The following UNC5C variants were observed in gnomAD, a reference collection of about 807,000 sequenced individuals.
The protein encoded by UNC5C is netrin receptor UNC5C.
A neutral mutation model predicts 99.8 loss-of-function variants in UNC5C; 47 were observed. That is an observed-to-expected ratio of 0.47 (90% CI 0.37 to 0.60). The LOEUF is 0.60. Among genes scored for constraint, UNC5C ranks in the 20% least tolerant of loss-of-function variants. The probability of loss-of-function intolerance (pLI) is 0.00; values close to 1 mark genes in which losing one functional copy is unlikely to be tolerated. For missense variants in UNC5C, 1,062 were observed against 1,165.9 expected, an observed-to-expected ratio of 0.91 and a Z score of 1.30; for synonymous variants, 487 against 452.2, an observed-to-expected ratio of 1.08 and a Z score of -0.98.
intron 12 of UNC5C, among the ~76,000 whole-genome samples, chr4:95,191,875 A>C (rs1270985446): frequency 6.6e-3 from 175 of 26,506 alleles, no homozygotes; most frequent in Admixed American, 9.2e-3. Flanking sequence ...CCTCCTCCCC[A>C]CTCACCCTCC....
At chr4:95,269,636 CTG>C (rs1235920789) in intron 4 of UNC5C, among the ~76,000 whole-genome samples, 1 of 151,862 alleles carries the variant, frequency 6.6e-6, no homozygotes, top group Non-Finnish European at 1.5e-5. Context: ...AGTTCTGGGT[CTG>C]AGATTCTAAG....
intron 2 of UNC5C, among the ~76,000 whole-genome samples, chr4:95,311,381 C>T (rs1406159798): frequency 6.6e-6 from 1 of 152,146 alleles, no homozygotes; most frequent in Non-Finnish European, 1.5e-5. Flanking sequence ...GCAAATGCAA[C>T]ATTCTTCTAA....
At chr4:95,223,671 T>C (rs1445599306) in intron 7 of UNC5C, among the ~76,000 whole-genome samples, 1 of 152,234 alleles carries the variant, frequency 6.6e-6, no homozygotes, top group African/African-American at 2.4e-5. Context: ...ATTCTAGTTG[T>C]CTGAGTCCAT....
chr4:95,283,649 A>G (rs1741137299), intron 3 of UNC5C, among the ~76,000 whole-genome samples: 1 of 152,224 alleles, frequency 6.6e-6, no homozygotes, highest in South Asian at 2.1e-4. Context: ...AGAATGAAAA[A>G]CGAACACTTG....
chr4:95,313,984 A>G (rs1742374950), intron 2 of UNC5C, among the ~76,000 whole-genome samples: 1 of 152,208 alleles, frequency 6.6e-6, no homozygotes, highest in Non-Finnish European at 1.5e-5. Context: ...GTCTTGCTGC[A>G]TTGTGAGAAA....
At chr4:95,473,083 C>T (rs1424451321) in intron 1 of UNC5C, among the ~76,000 whole-genome samples, 3 of 152,090 alleles carry the variant, frequency 2.0e-5, no homozygotes, top group Non-Finnish European at 4.4e-5. Flanking sequence ...AATTTAACTC[C>T]TAATGTGTTC....
chr4:95,360,293 A>G (rs907360489), intron 1 of UNC5C, among the ~76,000 whole-genome samples: 20 of 152,184 alleles, frequency 1.3e-4, no homozygotes, highest in African/African-American at 4.8e-4. Flanking sequence ...TTTAAAAGTT[A>G]TCTGTGAATT....
chr4:95,327,419 A>C (rs1742929115), intron 2 of UNC5C, among the ~76,000 whole-genome samples: 1 of 152,064 alleles, frequency 6.6e-6, no homozygotes, highest in Admixed American at 6.6e-5. Context: ...GATTGAAAAA[A>C]ACTCAAACAA....
intron 1 of UNC5C, among the ~76,000 whole-genome samples, chr4:95,445,691 C>T (rs533020171): frequency 1.3e-5 from 2 of 152,212 alleles, no homozygotes; most frequent in East Asian, 3.9e-4. Context: ...CGAGAAGCCT[C>T]AAGTTACTGC....
At chr4:95,382,854 A>T (rs1745109387) in intron 1 of UNC5C, among the ~76,000 whole-genome samples, 1 of 152,180 alleles carries the variant, frequency 6.6e-6, no homozygotes, top group Admixed American at 6.5e-5. Flanking sequence ...GTTAGCTGTC[A>T]AATGCTCCAT....
chr4:95,216,682 C>T (rs1018492793), intron 9 of UNC5C, among the ~76,000 whole-genome samples: 1 of 152,034 alleles, frequency 6.6e-6, no homozygotes, highest in African/African-American at 2.4e-5. Flanking sequence ...TGGTGAAGAC[C>T]TTTTATTATA....
chr4:95,239,227 T>C (rs1055773216), intron 7 of UNC5C, among the ~76,000 whole-genome samples: 2 of 152,242 alleles, frequency 1.3e-5, no homozygotes, highest in Admixed American at 6.5e-5. Flanking sequence ...AGCTTAATTA[T>C]ACATCTTTCG....
rs79916387 is a variant in UNC5C, at chr4:95,518,874, C to G, written c.124+29860G>C. 4.3e-3 allele frequency among the ~76,000 whole-genome samples: 655 copies of G among 152,150 alleles called. 6 individuals carry two copies. Among genetic ancestry groups the G allele is most frequent in the African/African-American group, 0.015 (626 of 41,520 alleles). ...GAGGATCTAGTGAGAAATACGTTGA[C>G]TTGGATACCTTGGTACTACAGAACT... On this transcript the variant is annotated intron_variant, in intron 1 of 15. Coordinates refer to ENST00000453304, the MANE Select transcript of UNC5C (RefSeq NM_003728.4).
chr4:95,533,470 T>C (rs1722704142), intron 1 of UNC5C, among the ~76,000 whole-genome samples: 1 of 151,914 alleles, frequency 6.6e-6, no homozygotes, highest in Non-Finnish European at 1.5e-5. Context: ...AAAATAATTT[T>C]TATCATTTAA....
At chr4:95,295,587 A>T (rs1361691126) in intron 3 of UNC5C, among the ~76,000 whole-genome samples, 6 of 152,218 alleles carry the variant, frequency 3.9e-5, no homozygotes, top group African/African-American at 1.4e-4. Context: ...GAGCTTTTTC[A>T]TGAAAGAACT....
intron 1 of UNC5C, among the ~76,000 whole-genome samples, chr4:95,418,998 G>C (rs892715148): frequency 6.6e-6 from 1 of 152,138 alleles, no homozygotes; most frequent in Non-Finnish European, 1.5e-5. Flanking sequence ...CACCTCATTA[G>C]ATGAGACACG....
chr4:95,421,619 T>TAC (rs3069166), intron 1 of UNC5C, among the ~76,000 whole-genome samples: 4,876 of 149,610 alleles, frequency 0.033, 122 homozygotes, highest in African/African-American at 0.065. Context: ...CACTCTCTTT[T>TAC]ACACACACAC....
intron 1 of UNC5C, among the ~76,000 whole-genome samples, chr4:95,495,379 C>G (rs901411698): frequency 2.0e-5 from 3 of 151,548 alleles, no homozygotes; most frequent in Non-Finnish European, 3.0e-5. Flanking sequence ...AAACCATTGC[C>G]TCTAACACCA....
Position 95,374,424 on chromosome 4 carries a change from C to T in UNC5C, c.125-38793G>A, listed in dbSNP as rs74965019. Among the ~76,000 whole-genome samples the T allele has an allele frequency of 9.4e-3, 1,424 of 152,218 alleles. 22 individuals are homozygous for T. Among genetic ancestry groups the T allele is most frequent in the African/African-American group, 0.032 (1,331 of 41,520 alleles). On this transcript the variant is annotated intron_variant, in intron 1 of 15. Coordinates refer to ENST00000453304, the MANE Select transcript of UNC5C (RefSeq NM_003728.4). ...GATTCCTTAGTTGCCATAAGCAGCCCTGCATATGCCTCTATGGCCATCCTG... is the reference window on the plus strand; with the variant it reads ...GATTCCTTAGTTGCCATAAGCAGCCTTGCATATGCCTCTATGGCCATCCTG...
Sources: gnomAD v4.1 joint callset for allele counts (sites outside exome capture counted in the v4.1 genomes callset) on GRCh38, gnomAD v4.1.1 for gene constraint, MANE v1.5 for transcripts, NCBI Gene and HGNC (gene_info 2026-07-23, HGNC 2026-07-21) for gene names.